The following HHEX variants were observed in gnomAD, a reference collection of about 807,000 sequenced individuals.
HHEX encodes the protein hematopoietically expressed homeobox, also known as hematopoietically-expressed homeobox protein HHEX.
In HHEX, 8 loss-of-function variants were observed where a neutral mutation model predicts 27.0. That is an observed-to-expected ratio of 0.30 (90% CI 0.17 to 0.54). The LOEUF is 0.54. HHEX is among the 20% of genes least tolerant of loss of function. HHEX has a pLI of 0.95. For synonymous variants in HHEX, 164 were observed against 161.5 expected (o/e 1.02, Z -0.12); for missense variants, 326 against 357.2 (o/e 0.91, Z 0.70).
chr10:92,690,675 G>A (rs992602858), intron 1 of HHEX, among the ~76,000 whole-genome samples: 4 of 152,206 alleles, frequency 2.6e-5, no homozygotes, highest in East Asian at 1.9e-4. Flanking sequence ...AGGCGCCCCT[G>A]GCCGGCCCCC....
At chr10:92,694,420 A>G in intron 3 of HHEX, 127 bp from the exon 4 acceptor site, 1 of 702,160 alleles carries the variant, frequency 1.4e-6, no homozygotes, top group Non-Finnish European at 2.4e-6. Context: ...TAAGATTATA[A>G]ACTGAAAACA....
intron 1 of HHEX, 105 bp from the exon 2 acceptor site, chr10:92,692,263 G>T: frequency 8.8e-7 from 1 of 1,142,356 alleles, no homozygotes. Context: ...GTGTCTGGTT[G>T]GGTGGCCTCC....
chr10:92,690,956 GT>G (rs1444313827), intron 1 of HHEX, among the ~76,000 whole-genome samples: 1 of 152,166 alleles, frequency 6.6e-6, no homozygotes, highest in African/African-American at 2.4e-5. Context: ...GCCGGGATCC[GT>G]TTTTCTGATA....
At chr10:92,692,640 C>A in intron 2 of HHEX, 62 bp from the exon 3 acceptor site, 1 of 1,605,288 alleles carries the variant, frequency 6.2e-7, no homozygotes, top group Non-Finnish European at 8.5e-7. Flanking sequence ...GAGGAGCCAC[C>A]CTGCCCTCTG....
intron 1 of HHEX, among the ~76,000 whole-genome samples, chr10:92,690,602 T>A (rs1358635313): frequency 6.6e-6 from 1 of 151,766 alleles, no homozygotes; most frequent in African/African-American, 2.4e-5. Flanking sequence ...AGGGCAGCCG[T>A]GGACCGCGCG....
intron 3 of HHEX, 124 bp from the exon 4 acceptor site, chr10:92,694,423 T>C: frequency 1.4e-6 from 1 of 720,142 alleles, no homozygotes; most frequent in South Asian, 1.9e-5. Context: ...GATTATAAAC[T>C]GAAAACACTC....
intron 1 of HHEX, 142 bp downstream of exon 1, chr10:92,690,489 G>T: frequency 2.8e-6 from 3 of 1,063,926 alleles, no homozygotes; most frequent in South Asian, 1.9e-5. Context: ...CACGCGCGGG[G>T]ACGGGAGGCG....
Position 92,694,893 on chromosome 10 carries a change from C to A in HHEX, c.*125C>A. 1 of 725,974 alleles carries A rather than the reference C, an allele frequency of 1.4e-6. No individual in the cohort carries two copies. The highest frequency in any genetic ancestry group is 2.3e-6 in the Non-Finnish European group (1 of 443,694). The allele number at this position is 725,974 out of a possible 1,614,324, so 45.0% of individuals were successfully genotyped here. On this transcript the variant is annotated 3_prime_UTR_variant, in exon 4 of 4. Coordinates refer to ENST00000282728, the MANE Select transcript of HHEX (RefSeq NM_002729.5). Reference sequence around the variant, plus strand: ...AATCAATTCTCTGGTATTCTGGAAACCTAAAAATATTTGGTGCACTGCTCA... The same window carrying A: ...AATCAATTCTCTGGTATTCTGGAAAACTAAAAATATTTGGTGCACTGCTCA...
In HHEX at chr10:92,690,357, C is replaced by T. The variant is rs970706586; in HGVS notation, c.361+10C>T. 9 of 1,443,256 alleles carry T rather than the reference C, an allele frequency of 6.2e-6. No homozygotes were observed. The African/African-American group carries it at 1.2e-4, about 19-fold the overall frequency. The allele number at this position is 1,443,256 out of a possible 1,614,324, so 89.4% of individuals were successfully genotyped here. ...CGCCACGACCCCCTGGGTAAGGCGG[C>T]CGGGCGAGGGTGGGGGCGAGGAAGC... On this transcript the variant is annotated intron_variant, in intron 1 of 3. Coordinates refer to ENST00000282728, the MANE Select transcript of HHEX (RefSeq NM_002729.5).
At chr10:92,692,675 C>T (rs779389753) in intron 2 of HHEX, 27 bp from the exon 3 acceptor site, 3 of 1,612,454 alleles carry the variant, frequency 1.9e-6, no homozygotes, top group Non-Finnish European at 2.5e-6. Context: ...GGGCTCGTTG[C>T]AAGTTTTCTT....
rs149466636 is a variant in HHEX at position 92,693,892 on chromosome 10, T to C, written c.592-655T>C. Among the ~76,000 whole-genome samples, 15 of 152,334 alleles carry C rather than the reference T, an allele frequency of 9.8e-5. No homozygotes were observed. In the East Asian group the frequency reaches 2.3e-3, roughly 23 times the overall value. ...TAAAAATAGTGGTTTCTATGTAATA[T>C]GGGGATATTTCCCAGAAATTTGCCC... On this transcript the variant is annotated intron_variant, in intron 3 of 3. Coordinates refer to ENST00000282728, the MANE Select transcript of HHEX (RefSeq NM_002729.5).
rs745904454 is a variant in HHEX, at chr10:92,690,189, C to G, written c.203C>G (p.Pro68Arg). Residue 68 changes from proline to arginine, a missense_variant, in exon 1 of 4, where the codon CCG (proline) becomes CGG (arginine). Physicochemically the swap from Pro to Arg is moderately radical, Grantham distance 103. Around this residue, in one of 4 missense-constraint regions of HHEX, gnomAD observed 215 missense variants for 196.4 expected, o/e 1.09. Transcript: ENST00000282728. ...AGCCTCGTGTCCCCCTACCGGACCC[C>G]GGTGTACGAGCCCACGCCGATCCAT... ...FTSLVSPYRT[P>R]VYEPTPIHPA... 3 of 1,570,292 alleles carry G rather than the reference C, an allele frequency of 1.9e-6. No individual in the cohort carries two copies. Among genetic ancestry groups the G allele is most frequent in the Non-Finnish European group, 2.6e-6 (3 of 1,158,722 alleles).
In HHEX at chr10:92,695,005, T is replaced by C. The variant is rs960454993; in HGVS notation, c.*237T>C. The C allele has an allele frequency of 7.2e-6, 3 of 416,780 alleles. No individual in the cohort carries two copies. Among genetic ancestry groups the C allele is most frequent in the African/African-American group, 6.1e-5 (3 of 49,314 alleles). The allele number at this position is 416,780 out of a possible 1,614,324, so 25.8% of individuals were successfully genotyped here. On this transcript the variant is annotated 3_prime_UTR_variant, in exon 4 of 4. Transcript: ENST00000282728. ...AGGTTGTTTTGATAAAGTGACATTATAGTGATTAAATTCTTCCCCCTTTAA... is the reference window on the plus strand; with the variant it reads ...AGGTTGTTTTGATAAAGTGACATTACAGTGATTAAATTCTTCCCCCTTTAA...
chr10:92,690,949 G>A (rs958290742), intron 1 of HHEX, among the ~76,000 whole-genome samples: 1 of 152,150 alleles, frequency 6.6e-6, no homozygotes, highest in African/African-American at 2.4e-5. Context: ...TCTGATAGCC[G>A]GGATCCGTTT....
Position 92,689,960 on chromosome 10 carries a change from T to G in HHEX, c.-27T>G. On this transcript the variant is annotated 5_prime_UTR_variant, in exon 1 of 4. Transcript: ENST00000282728. ...GCGCCGCGGCGCGGGCCAGCAGCTC[T>G]GCGAGGGGCCGGAGCGCGGCGGAGC... The G allele has an allele frequency of 7.5e-7, 1 of 1,330,162 alleles. No individual in the cohort carries two copies. Among genetic ancestry groups the G allele is most frequent in the Non-Finnish European group, 9.6e-7 (1 of 1,045,108 alleles). The allele number at this position is 1,330,162 out of a possible 1,614,324, so 82.4% of individuals were successfully genotyped here. A position where few individuals can be genotyped will look rare whatever the true frequency, so the allele number is the denominator to read the frequency against.
chr10:92,690,522 G>A (rs1387181718), intron 1 of HHEX, among the ~76,000 whole-genome samples, 175 bp downstream of exon 1: 2 of 152,062 alleles, frequency 1.3e-5, no homozygotes, highest in African/African-American at 4.8e-5. Context: ...TGACCGCACC[G>A]TGACTCAGAT....
In HHEX at chr10:92,694,643, T is replaced by G. The variant is rs775389812; in HGVS notation, c.688T>G (p.Ser230Ala). 1.2e-5 allele frequency: 20 copies of G among 1,614,096 alleles called. No homozygotes were observed. Among genetic ancestry groups the G allele is most frequent in the Non-Finnish European group, 1.6e-5 (19 of 1,179,954 alleles). ...GCCCAGTGAACAGAATAAAGGTGCT[T>G]CTTTGGATAGCTCTCAATGTTCGCC... ...DLPSEQNKGA[S>A]LDSSQCSPSP... Residue 230 changes from serine (S) to alanine (A), a missense_variant, in exon 4 of 4, where the codon TCT (serine) becomes GCT (alanine). This residue lies in a region of HHEX where 68 missense variants were observed against 84.9 expected (regional missense o/e 0.80). Coordinates refer to ENST00000282728, the MANE Select transcript of HHEX (RefSeq NM_002729.5).
chr10:92,692,331 C>T (rs886131099), intron 1 of HHEX, 37 bp from the exon 2 acceptor site: 1 of 1,608,054 alleles, frequency 6.2e-7, no homozygotes, highest in Non-Finnish European at 8.5e-7. Flanking sequence ...CAGGCCGCTC[C>T]AGGGCAGTGG....
intron 1 of HHEX, chr10:92,692,049 T>G: frequency 4.8e-6 from 1 of 207,124 alleles, no homozygotes. Context: ...GGAAAGAGGG[T>G]CGTGGTATTG....
Sources: allele counts gnomAD v4.1 joint callset (sites outside exome capture counted in the v4.1 genomes callset), GRCh38; gene constraint gnomAD v4.1.1; regional missense constraint gnomAD v4.1.1; transcripts MANE v1.5; gene names NCBI Gene and HGNC (gene_info 2026-07-23, HGNC 2026-07-21).